The following ITK variants were observed in gnomAD, a reference collection of about 807,000 sequenced individuals.
ITK encodes tyrosine-protein kinase ITK/TSK.
In ITK, 45 loss-of-function variants were observed where a neutral mutation model predicts 87.6. That is an observed-to-expected ratio of 0.51 (90% CI 0.40 to 0.66). The LOEUF (loss-of-function observed/expected upper bound fraction) is 0.66, where lower values mean the gene tolerates loss of function less well. Ranked by LOEUF, ITK falls within the 30% of genes least tolerant of loss-of-function variation. ITK has a pLI of 0.00. For missense variants in ITK, 605 were observed against 766.3 expected, an observed-to-expected ratio of 0.79 and a Z score of 2.48; for synonymous variants, 303 against 273.6, an observed-to-expected ratio of 1.11 and a Z score of -1.06.
At chr5:157,210,602 G>T (rs1754171026) in intron 2 of ITK, among the ~76,000 whole-genome samples, 3 of 149,102 alleles carry the variant, frequency 2.0e-5, no homozygotes, top group Admixed American at 6.7e-5. Flanking sequence ...GTGCAGGTTA[G>T]TTACATATGT....
At chr5:157,183,207 T>C (rs922964728) in intron 1 of ITK, among the ~76,000 whole-genome samples, 3 of 152,202 alleles carry the variant, frequency 2.0e-5, no homozygotes, top group Non-Finnish European at 4.4e-5. Flanking sequence ...ATTATTATTG[T>C]TCATGTCTTA....
At chr5:157,242,915 TG>T (rs1754941729) in intron 11 of ITK, among the ~76,000 whole-genome samples, 1 of 152,234 alleles carries the variant, frequency 6.6e-6, no homozygotes, top group African/African-American at 2.4e-5. Context: ...GTTGAGTCTC[TG>T]CCTCAAAGCA....
At chr5:157,198,112 C>G (rs1206491000) in intron 1 of ITK, among the ~76,000 whole-genome samples, 1 of 147,278 alleles carries the variant, frequency 6.8e-6, no homozygotes, top group African/African-American at 2.5e-5. Flanking sequence ...GAGCAAGACT[C>G]TATCTCTTAA....
rs777958882 is a variant in ITK at position 157,244,472 on chromosome 5, A to G, written c.1443A>G (p.Arg481=). 2.5e-6 allele frequency: 4 copies of G among 1,597,344 alleles called. No individual in the cohort carries two copies. Among genetic ancestry groups the G allele is most frequent in the Non-Finnish European group, 2.6e-6 (3 of 1,164,720 alleles). ...AYLEEACVIH[R]DLAARNCLVG... ...TGGAAGAGGCATGTGTCATCCACAG[A>G]GACTTGGTATGAGCATGCAGGGTGA... Residue 481 remains arginine (R), a synonymous_variant, in exon 13 of 17, where the codon AGA becomes AGG. Coordinates refer to ENST00000422843, the MANE Select transcript of ITK (RefSeq NM_005546.4).
chr5:157,221,992 A>G (rs1561657126), intron 5 of ITK, among the ~76,000 whole-genome samples: 1 of 152,090 alleles, frequency 6.6e-6, no homozygotes, highest in African/African-American at 2.4e-5. Flanking sequence ...CTCTCTTAAA[A>G]AAAAAAATCC....
chr5:157,228,939 G>A (rs1438276688), intron 7 of ITK, among the ~76,000 whole-genome samples: 1 of 152,074 alleles, frequency 6.6e-6, no homozygotes, highest in Non-Finnish European at 1.5e-5. Context: ...AAAAGATGTG[G>A]GCGTGTCAGA....
At chr5:157,188,781 G>A (rs1408259512) in intron 1 of ITK, among the ~76,000 whole-genome samples, 1 of 152,120 alleles carries the variant, frequency 6.6e-6, no homozygotes, top group East Asian at 1.9e-4. Flanking sequence ...GGCTAATTCT[G>A]TTGTTGATTT....
intron 3 of ITK, 112 bp downstream of exon 3, chr5:157,211,480 T>G: frequency 1.0e-6 from 1 of 954,958 alleles, no homozygotes; most frequent in Non-Finnish European, 1.7e-6. Context: ...TGATTTCTCT[T>G]TTGGGGTTGG....
intron 8 of ITK, among the ~76,000 whole-genome samples, chr5:157,233,952 TATATATA>T: frequency 3.7e-5 from 1 of 27,166 alleles, no homozygotes. Context: ...TATATATATA[TATATATA>T]TATATTTTTT....
chr5:157,222,836 C>T (rs755353341), intron 5 of ITK, 27 bp from the exon 6 acceptor site: 3 of 1,613,644 alleles, frequency 1.9e-6, no homozygotes, highest in South Asian at 1.1e-5. Flanking sequence ...TATGTCTTTG[C>T]TTGGTTTTGT....
chr5:157,231,413 T>C (rs2113766367), intron 7 of ITK, among the ~76,000 whole-genome samples: 1 of 152,344 alleles, frequency 6.6e-6, no homozygotes, highest in Non-Finnish European at 1.5e-5. Context: ...AGATGAAGCC[T>C]ATATTTTCCC....
rs1234254164 is a variant in ITK, at chr5:157,255,072, T to C, written c.*2394T>C. 5.1e-6 allele frequency: 1 copy of C among 197,236 alleles called. No homozygotes were observed. Among genetic ancestry groups the C allele is most frequent in the Non-Finnish European group, 1.1e-5 (1 of 95,210 alleles). 12.2% of individuals were successfully genotyped at this position (197,236 alleles called of 1,614,324 possible). On this transcript the variant is annotated 3_prime_UTR_variant, in exon 17 of 17. Coordinates refer to ENST00000422843, the MANE Select transcript of ITK (RefSeq NM_005546.4). ...ATATTTATTAATGTACAGTCACTGCTAGTGTTCAAAATAAAAATGTTACAA... is the reference window on the plus strand; with the variant it reads ...ATATTTATTAATGTACAGTCACTGCCAGTGTTCAAAATAAAAATGTTACAA...
intron 1 of ITK, among the ~76,000 whole-genome samples, chr5:157,183,513 T>C (rs1753580811): frequency 6.6e-6 from 1 of 152,248 alleles, no homozygotes; most frequent in Admixed American, 6.5e-5. Flanking sequence ...ATAGGCCCTG[T>C]CATCTGGTAA....
At chr5:157,194,421 G>A (rs1308675549) in intron 1 of ITK, among the ~76,000 whole-genome samples, 1 of 152,162 alleles carries the variant, frequency 6.6e-6, no homozygotes, top group African/African-American at 2.4e-5. Context: ...ACAACTAATA[G>A]CAGCATTAGC....
chr5:157,214,959 T>C (rs999148250), intron 4 of ITK, among the ~76,000 whole-genome samples: 4 of 152,254 alleles, frequency 2.6e-5, no homozygotes, highest in African/African-American at 9.6e-5. Context: ...AGCTGTTTTT[T>C]TGCCTTTGAC....
rs1754254001 is a variant in ITK at position 157,214,316 on chromosome 5, A to C, written c.451A>C (p.Asn151His). The change falls in exon 4 of 17, where the codon AAT (asparagine) becomes CAT (histidine). Residue 151 changes from asparagine (N) to histidine (H), a missense_variant. By Grantham distance (68) the Asn-to-His change is moderately conservative. This residue lies in a region of ITK where 464 missense variants were observed against 578.0 expected (regional missense o/e 0.80). Transcript: ENST00000422843. ...TGCAQYDPTKNASKKPLPPTP... is the reference protein window; with the variant it reads ...TGCAQYDPTKHASKKPLPPTP... ...CTGTGCCCAATATGATCCAACCAAG[A>C]ATGGTAAGAGACTGGGAATTCCCTC... 5.0e-6 allele frequency: 8 copies of C among 1,613,284 alleles called. No individual in the cohort carries two copies. Among genetic ancestry groups the C allele is most frequent in the African/African-American group, 1.3e-5 (1 of 74,912 alleles).
chr5:157,233,950 T>C (rs1754714669), intron 8 of ITK, among the ~76,000 whole-genome samples: 1 of 25,174 alleles, frequency 4.0e-5, no homozygotes, highest in Non-Finnish European at 8.5e-5. Context: ...TATATATATA[T>C]ATATATATAT....
chr5:157,245,223 T>TAAAAAAAAAAAAA (rs139283977), intron 13 of ITK: 1 of 158,236 alleles, frequency 6.3e-6, no homozygotes. Context: ...AGACTCCATC[T>TAAAAAAAAAAAAA]AAAAAAAAAA....
intron 3 of ITK, among the ~76,000 whole-genome samples, chr5:157,212,469 G>A (rs533436592): frequency 6.6e-6 from 1 of 152,352 alleles, no homozygotes; most frequent in Admixed American, 6.5e-5. Context: ...CTGGGTGAAT[G>A]GGGAAGTGCT....
Sources: gnomAD v4.1 joint callset for allele counts (sites outside exome capture counted in the v4.1 genomes callset) on GRCh38, gnomAD v4.1.1 for gene constraint, gnomAD v4.1.1 regional missense constraint, MANE v1.5 for transcripts, NCBI Gene and HGNC (gene_info 2026-07-23, HGNC 2026-07-21) for gene names.